The following ABCA12 variants were observed in gnomAD, a reference collection of about 807,000 sequenced individuals.
ABCA12 encodes ATP binding cassette subfamily A member 12, also known as glucosylceramide transporter ABCA12.
A neutral mutation model predicts 293.5 loss-of-function variants in ABCA12; 156 were observed. The observed-to-expected ratio is 0.53, with a 90% confidence interval of 0.47 to 0.61. The LOEUF (loss-of-function observed/expected upper bound fraction) is 0.61, where lower values mean the gene tolerates loss of function less well. ABCA12 is among the 20% of genes least tolerant of loss of function. The pLI is 0.00. For synonymous variants in ABCA12, 1,063 were observed against 1,108.0 expected, an observed-to-expected ratio of 0.96 and a Z score of 0.81; for missense variants, 2,797 against 3,090.2, an observed-to-expected ratio of 0.91 and a Z score of 2.25.
chr2:215,129,722 C>T (rs751493063), intron 1 of ABCA12, among the ~76,000 whole-genome samples: 10 of 152,128 alleles, frequency 6.6e-5, no homozygotes, highest in Non-Finnish European at 1.2e-4. Context: ...TGTGCAGAAA[C>T]ATTTTGGTTT....
intron 2 of ABCA12, among the ~76,000 whole-genome samples, chr2:215,073,462 GCTGGGTACGCATACA>G (rs1212133926): frequency 1.3e-5 from 2 of 152,194 alleles, no homozygotes; most frequent in East Asian, 3.9e-4. Flanking sequence ...TCTGAATTAA[GCTGGGTACGCATACA>G]CTGGGTATGA....
rs574511537 is a variant in ABCA12 at position 214,945,191 on chromosome 2, A to G, written c.7240-87T>C. The G allele has an allele frequency of 1.1e-5, 12 of 1,064,384 alleles. No homozygotes were observed. In the Admixed American group the frequency reaches 1.2e-4, roughly 11 times the overall value. The allele number at this position is 1,064,384 out of a possible 1,614,324, so 65.9% of individuals were successfully genotyped here. A position where few individuals can be genotyped will look rare whatever the true frequency, so the allele number is the denominator to read the frequency against. ...ATGAATTACTGCATTTCACTTCCCT[A>G]GAACAGAAATACTTTTCGAGGTCCT... On this transcript the variant is annotated intron_variant, in intron 48 of 52. Coordinates refer to ENST00000272895, the MANE Select transcript of ABCA12 (RefSeq NM_173076.3).
chr2:215,004,334 A>C (rs1463324003), intron 19 of ABCA12, 35 bp from the exon 20 acceptor site: 2 of 1,505,078 alleles, frequency 1.3e-6, no homozygotes, highest in African/African-American at 2.8e-5. Flanking sequence ...GTTTCAATAC[A>C]AGAAAAATCA....
Position 214,959,091 on chromosome 2 carries a change from A to T in ABCA12, c.5885-13T>A. ...TACATGATGATGCCTTAAAGACGAA[A>T]CAGTTCTTCTATTAGTAGGTATTCA... On this transcript the variant is annotated splice_polypyrimidine_tract_variant and intron_variant, in intron 39 of 52. Transcript: ENST00000272895. 6.2e-7 allele frequency: 1 copy of T among 1,612,364 alleles called. No homozygotes were observed.
At chr2:215,124,368 T>C (rs1448574230) in intron 1 of ABCA12, among the ~76,000 whole-genome samples, 2 of 152,184 alleles carry the variant, frequency 1.3e-5, no homozygotes, top group East Asian at 1.9e-4. Flanking sequence ...CTAGTTTTAG[T>C]TCTTTAAGGA....
intron 3 of ABCA12, among the ~76,000 whole-genome samples, chr2:215,059,771 T>C (rs1336490961): frequency 6.6e-6 from 1 of 151,956 alleles, no homozygotes; most frequent in Non-Finnish European, 1.5e-5. Context: ...TACCTAACCA[T>C]GAAACAAGCA....
At chr2:215,120,217 A>AC (rs1026780401) in intron 1 of ABCA12, among the ~76,000 whole-genome samples, 9 of 152,284 alleles carry the variant, frequency 5.9e-5, no homozygotes, top group African/African-American at 1.4e-4. Flanking sequence ...TGAGAGTTAA[A>AC]CATTGAGCGC....
chr2:215,119,496 C>T (rs946011516), intron 1 of ABCA12, among the ~76,000 whole-genome samples: 6 of 151,884 alleles, frequency 4.0e-5, no homozygotes, highest in African/African-American at 7.3e-5. Context: ...GGGAAAGGTA[C>T]GGGTCCAGTT....
chr2:215,035,887 A>G (rs1700980776), intron 8 of ABCA12: 1 of 152,146 alleles, frequency 6.6e-6, no homozygotes, highest in Non-Finnish European at 1.5e-5. Context: ...TTTACTTTAT[A>G]TTAATTATAA....
intron 1 of ABCA12, among the ~76,000 whole-genome samples, chr2:215,118,942 C>T (rs2105905934): frequency 6.6e-6 from 1 of 152,148 alleles, no homozygotes; most frequent in African/African-American, 2.4e-5. Flanking sequence ...AATATTTTCT[C>T]CCATTCTTTA....
At chr2:215,048,325 C>A (rs997120628) in intron 6 of ABCA12, among the ~76,000 whole-genome samples, 4 of 152,064 alleles carry the variant, frequency 2.6e-5, no homozygotes, top group African/African-American at 9.7e-5. Flanking sequence ...GGTATATACC[C>A]AGCAGAATAT....
intron 51 of ABCA12, 83 bp downstream of exon 51, chr2:214,937,427 G>A (rs1698255329): frequency 1.8e-6 from 2 of 1,088,452 alleles, no homozygotes; most frequent in Non-Finnish European, 2.8e-6. Flanking sequence ...TTAACCTCCT[G>A]ACCTCAAGTG....
chr2:214,964,047 C>T lies in ABCA12; in HGVS notation c.5884+2801G>A, dbSNP rs537645922. The stretch of plus-strand genomic sequence containing the variant: ...AAAAAGCTTATCTGCCACAAGTTGG[C>T]TTTCATCCCTAGGATGCAAGGTTGG... On this transcript the variant is annotated intron_variant, in intron 39 of 52. Transcript: ENST00000272895. 4.6e-5 allele frequency among the ~76,000 whole-genome samples: 7 copies of T among 152,080 alleles called. No homozygotes were observed. In the South Asian group the frequency reaches 1.5e-3, roughly 32 times the overall value.
intron 19 of ABCA12, among the ~76,000 whole-genome samples, chr2:215,005,971 A>G (rs574203625): frequency 9.6e-4 from 147 of 152,350 alleles, no homozygotes; most frequent in African/African-American, 3.4e-3. Context: ...CTAAGGGTTC[A>G]CAGTGGCAAA....
intron 9 of ABCA12, among the ~76,000 whole-genome samples, chr2:215,028,380 G>A (rs1397914088): frequency 2.0e-5 from 3 of 152,098 alleles, no homozygotes; most frequent in East Asian, 1.9e-4. Flanking sequence ...GTGGTCAGAG[G>A]GCTGACTCAT....
chr2:215,120,480 TC>T (rs896049752), intron 1 of ABCA12, among the ~76,000 whole-genome samples: 1 of 151,718 alleles, frequency 6.6e-6, no homozygotes, highest in Non-Finnish European at 1.5e-5. Context: ...GAAAGCTGAG[TC>T]TAAAACACGA....
chr2:215,071,489 A>C (rs1239295216), intron 2 of ABCA12, among the ~76,000 whole-genome samples: 1 of 152,206 alleles, frequency 6.6e-6, no homozygotes, highest in Non-Finnish European at 1.5e-5. Flanking sequence ...TAATGAAAAC[A>C]ACATGTTCAG....
chr2:215,134,771 C>A (rs1446395440), intron 1 of ABCA12, among the ~76,000 whole-genome samples: 1 of 150,788 alleles, frequency 6.6e-6, no homozygotes, highest in African/African-American at 2.4e-5. Context: ...CCGCAACTTC[C>A]CAAGTAGCTG....
chr2:214,989,742 A>AG, intron 24 of ABCA12, 121 bp from the exon 25 acceptor site: 1 of 1,061,394 alleles, frequency 9.4e-7, no homozygotes, highest in Non-Finnish European at 1.4e-6. Flanking sequence ...TCATTCTCTA[A>AG]GCATATTTAA....
Sources: allele counts gnomAD v4.1 joint callset (sites outside exome capture counted in the v4.1 genomes callset), GRCh38; gene constraint gnomAD v4.1.1; transcripts MANE v1.5; gene names NCBI Gene and HGNC (gene_info 2026-07-23, HGNC 2026-07-21).